TMEM181: variants seen among roughly 807,000 people sequenced by gnomAD.
The protein encoded by TMEM181 is G protein-coupled receptor 178.
Under a neutral mutation model 71.9 loss-of-function variants are expected in TMEM181, and 39 were observed. The ratio of observed to expected loss-of-function variants is 0.54; its 90% CI spans 0.42 to 0.71. TMEM181 has a LOEUF of 0.71. TMEM181 is among the 30% of genes least tolerant of loss of function. The probability of loss-of-function intolerance (pLI) is 0.00; values close to 1 mark genes in which losing one functional copy is unlikely to be tolerated. For missense variants in TMEM181, 595 were observed against 583.0 expected, an observed-to-expected ratio of 1.02 and a Z score of -0.21; for synonymous variants, 245 against 228.8, an observed-to-expected ratio of 1.07 and a Z score of -0.64.
chr6:158,610,440 A>T, intron 10 of TMEM181: 1 of 286,606 alleles, frequency 3.5e-6, no homozygotes, highest in East Asian at 6.6e-5. Context: ...AACTTAGTCA[A>T]GGTCCCTTTG....
In TMEM181 at chr6:158,571,573, T is replaced by C. The variant is rs144876294; in HGVS notation, c.9-1847T>C. On this transcript the variant is annotated intron_variant, in intron 1 of 16. Transcript: ENST00000684151. ...TTGGCCTCCCAAAGTGCTGGGATTA[T>C]AGGCATGAGCCACCGCGCCCGGCCA... Among the ~76,000 whole-genome samples, 93 of 147,534 alleles carry C rather than the reference T, an allele frequency of 6.3e-4. 3 individuals carry two copies. The highest frequency in any genetic ancestry group is 2.3e-3 in the East Asian group (11 of 4,814).
At chr6:158,545,562 G>A (rs540348162) in intron 1 of TMEM181, among the ~76,000 whole-genome samples, 3 of 152,236 alleles carry the variant, frequency 2.0e-5, no homozygotes, top group Non-Finnish European at 4.4e-5. Context: ...GCGGGTGGGC[G>A]TTGTCCTGCC....
intron 6 of TMEM181, among the ~76,000 whole-genome samples, chr6:158,604,977 G>A (rs1185779209): frequency 2.0e-5 from 3 of 151,898 alleles, no homozygotes; most frequent in African/African-American, 7.3e-5. Context: ...TAACCTGCAT[G>A]GTGGCAGGCA....
At chr6:158,576,657 TAAC>T (rs1262592332) in intron 2 of TMEM181, among the ~76,000 whole-genome samples, 2 of 152,052 alleles carry the variant, frequency 1.3e-5, no homozygotes, top group African/African-American at 4.8e-5. Flanking sequence ...AGACAGTCTA[TAAC>T]AACAACAAAA....
chr6:158,568,334 A>C (rs922002954), intron 1 of TMEM181, among the ~76,000 whole-genome samples: 27 of 149,700 alleles, frequency 1.8e-4, no homozygotes, highest in African/African-American at 5.9e-4. Context: ...GCGCTGCTTC[A>C]GAGTGGGGTA....
intron 1 of TMEM181, among the ~76,000 whole-genome samples, chr6:158,570,903 G>T (rs1782768086): frequency 6.7e-6 from 1 of 149,614 alleles, no homozygotes. Flanking sequence ...GCAGTATTTT[G>T]TTTGTTTGTT....
At position 158,633,911 on chromosome 6, in the gene TMEM181, A is replaced by G. The variant is rs1786799908; in HGVS notation, c.*2023A>G. ...CTGATGAAGATGTGCTGATTAACATATTCTGTGATATGGTTTACAACTTTT... is the reference window on the plus strand; with the variant it reads ...CTGATGAAGATGTGCTGATTAACATGTTCTGTGATATGGTTTACAACTTTT... On this transcript the variant is annotated 3_prime_UTR_variant, in exon 17 of 17. Transcript: ENST00000684151. The G allele has an allele frequency of 6.6e-6, 1 of 152,220 alleles. No homozygotes were observed. The highest frequency in any genetic ancestry group is 2.4e-5 in the African/African-American group (1 of 41,452). 9.4% of individuals were successfully genotyped at this position (152,220 alleles called of 1,614,324 possible).
chr6:158,558,534 G>A (rs1781988840), upstream of TMEM181, among the ~76,000 whole-genome samples: 1 of 152,206 alleles, frequency 6.6e-6, no homozygotes, highest in East Asian at 1.9e-4. Context: ...CGCAGAGACA[G>A]CTTAACTGGT....
intron 2 of TMEM181, among the ~76,000 whole-genome samples, chr6:158,578,050 A>G (rs563815631): frequency 5.9e-5 from 9 of 152,320 alleles, no homozygotes; most frequent in Middle Eastern, 3.4e-3. Flanking sequence ...AGATCGCGCC[A>G]TTGCACTCCA....
At chr6:158,545,546 C>T (rs1277321807) in intron 1 of TMEM181, among the ~76,000 whole-genome samples, 3 of 152,228 alleles carry the variant, frequency 2.0e-5, no homozygotes, top group African/African-American at 7.2e-5. Flanking sequence ...GATGCAGGGG[C>T]ACGTGGCGGG....
At chr6:158,567,063 T>G (rs1027614318) in intron 1 of TMEM181, among the ~76,000 whole-genome samples, 5 of 152,176 alleles carry the variant, frequency 3.3e-5, no homozygotes, top group African/African-American at 7.2e-5. Context: ...CAGGGGACAG[T>G]TTATTTCCTT....
chr6:158,570,358 G>A (rs9364975), intron 1 of TMEM181, among the ~76,000 whole-genome samples: 41,946 of 150,488 alleles, frequency 0.28, 6,502 homozygotes, highest in East Asian at 0.65. Context: ...TCGGCCTCCC[G>A]AGTAGCTGGG....
At chr6:158,582,678 A>G (rs1694571735) in intron 3 of TMEM181, among the ~76,000 whole-genome samples, 1 of 152,044 alleles carries the variant, frequency 6.6e-6, no homozygotes, top group South Asian at 2.1e-4. Context: ...AAAAGAAAAA[A>G]AAAGAAAAAA....
chr6:158,547,886 TCAAAAAAAA>T, intron 1 of TMEM181, among the ~76,000 whole-genome samples: 1 of 61,062 alleles, frequency 1.6e-5, no homozygotes, highest in African/African-American at 6.9e-5. Flanking sequence ...AAACTCTGTC[TCAAAAAAAA>T]AAAAAAAAAA....
chr6:158,631,822 G>T lies in TMEM181; in HGVS notation c.1362G>T (p.Glu454Asp). 1 of 1,600,016 alleles carries T rather than the reference G, an allele frequency of 6.2e-7. No individual in the cohort carries two copies. The highest frequency in any genetic ancestry group is 1.1e-5 in the South Asian group (1 of 88,446). ...DDDVIYGSDY[E>D]EMPLQNGQAI... is the part of the protein sequence containing the mutation. ...TCTTTGCTCACAGGAGTGACTATGA[G>T]GAAATGCCGCTGCAGAACGGCCAGG... The change falls in exon 17 of 17, where the codon GAG becomes GAT. Residue 454 changes from glutamate (E) to aspartate (D), a missense_variant. By Grantham distance (45) the Glu-to-Asp change is conservative. Coordinates refer to ENST00000684151, the MANE Select transcript of TMEM181 (RefSeq NM_001376852.1).
chr6:158,581,183 G>C (rs970279045), intron 3 of TMEM181, among the ~76,000 whole-genome samples, 188 bp downstream of exon 3: 2 of 152,186 alleles, frequency 1.3e-5, no homozygotes, highest in East Asian at 3.8e-4. Flanking sequence ...CACCATTTCT[G>C]CTGTAATAAA....
chr6:158,626,324 T>C, intron 13 of TMEM181: 1 of 453,130 alleles, frequency 2.2e-6, no homozygotes, highest in South Asian at 1.6e-5. Context: ...GGAAGTTGTT[T>C]ATTTGAATCG....
intron 11 of TMEM181, among the ~76,000 whole-genome samples, 175 bp downstream of exon 11, chr6:158,623,782 T>G (rs1290317315): frequency 6.6e-6 from 1 of 151,436 alleles, no homozygotes; most frequent in Non-Finnish European, 1.5e-5. Context: ...TTTTTTTGAG[T>G]TGGAGTCTTG....
chr6:158,630,832 C>T lies in TMEM181; in HGVS notation c.1283-491C>T, dbSNP rs187391890. Among the ~76,000 whole-genome samples the T allele has an allele frequency of 7.2e-4, 110 of 152,226 alleles. 2 individuals are homozygous for T. In the East Asian group the frequency reaches 0.015, roughly 20 times the overall value. The stretch of plus-strand genomic sequence containing the variant: ...CTAGAACATAGGCAGCCCCCCGCAC[C>T]CCCCGACATCTTATAGTGGGCTAGC... On this transcript the variant is annotated intron_variant, in intron 15 of 16. Transcript: ENST00000684151.
Sources: gnomAD v4.1 joint callset for allele counts (sites outside exome capture counted in the v4.1 genomes callset) on GRCh38, gnomAD v4.1.1 for gene constraint, MANE v1.5 for transcripts, NCBI Gene and HGNC (gene_info 2026-07-23, HGNC 2026-07-21) for gene names.